MYO16: variants seen among roughly 807,000 people sequenced by gnomAD.
MYO16 encodes unconventional myosin-XVI.
MYO16 carries 94 observed loss-of-function variants against 205.3 expected under a neutral mutation model. That is an observed-to-expected ratio of 0.46 (90% confidence interval 0.39 to 0.54). The LOEUF (loss-of-function observed/expected upper bound fraction) is 0.54, where lower values mean the gene tolerates loss of function less well. Ranked by LOEUF, MYO16 falls within the 20% of genes least tolerant of loss-of-function variation. The pLI is 0.00. For synonymous variants in MYO16, 988 were observed against 954.0 expected (o/e 1.04, Z -0.66); for missense variants, 2,315 against 2,387.5 (o/e 0.97, Z 0.63).
At chr13:108,668,170 G>A (rs192342111) in intron 2 of MYO16, among the ~76,000 whole-genome samples, 75 of 152,298 alleles carry the variant, frequency 4.9e-4, no homozygotes, top group African/African-American at 1.7e-3. Flanking sequence ...AAGCCAAGAA[G>A]CAGTTATTAT....
intron 24 of MYO16, chr13:109,048,982 A>T (rs1300689287): frequency 6.7e-6 from 1 of 149,958 alleles, no homozygotes; most frequent in Non-Finnish European, 1.5e-5. Flanking sequence ...AAAAAAAAAA[A>T]GCCGAACTCC....
intron 12 of MYO16, among the ~76,000 whole-genome samples, chr13:108,882,130 C>T (rs1034111877): frequency 1.3e-5 from 2 of 152,170 alleles, no homozygotes; most frequent in African/African-American, 4.8e-5. Flanking sequence ...ACTTTTCTGG[C>T]ATGTGGTCCC....
intron 12 of MYO16, among the ~76,000 whole-genome samples, chr13:108,871,534 C>T (rs1248797972): frequency 6.6e-6 from 1 of 152,066 alleles, no homozygotes; most frequent in African/African-American, 2.4e-5. Context: ...AGACAAACCG[C>T]CTTGACCTTG....
At chr13:108,941,410 G>C (rs1882715501) in intron 16 of MYO16, among the ~76,000 whole-genome samples, 1 of 152,034 alleles carries the variant, frequency 6.6e-6, no homozygotes, top group African/African-American at 2.4e-5. Flanking sequence ...ACAAGAATGA[G>C]CTATTAAAGT....
chr13:109,045,696 T>C (rs1047518589), intron 23 of MYO16, among the ~76,000 whole-genome samples: 5 of 152,182 alleles, frequency 3.3e-5, no homozygotes, highest in Middle Eastern at 3.2e-3. Context: ...CAGGCACCCA[T>C]TGTGGCAGAT....
chr13:108,520,966 G>A, the MYO16 span, among the ~76,000 whole-genome samples: 4 of 151,912 alleles, frequency 2.6e-5, no homozygotes, highest in East Asian at 1.9e-4. Flanking sequence ...TTCCTCCCAC[G>A]TCCCCATCTC....
At chr13:109,171,222 C>T (rs1422642924) in intron 33 of MYO16, among the ~76,000 whole-genome samples, 2 of 152,096 alleles carry the variant, frequency 1.3e-5, no homozygotes, top group East Asian at 1.9e-4. Flanking sequence ...AAAACTGCCT[C>T]GTCAGTATTA....
intron 6 of MYO16, among the ~76,000 whole-genome samples, chr13:108,801,149 A>T (rs531354721): frequency 1.3e-4 from 20 of 152,340 alleles, no homozygotes; most frequent in South Asian, 6.2e-4. Context: ...AAATTAATTT[A>T]AAAAACCACC....
rs1594086099 is a variant in MYO16, at chr13:109,100,718, C to T, written c.3336-67C>T. The T allele has an allele frequency of 2.4e-6, 3 of 1,273,582 alleles. No homozygotes were observed. The East Asian group carries it at 7.1e-5, about 30-fold the overall frequency. 78.9% of individuals were successfully genotyped at this position (1,273,582 alleles called of 1,614,324 possible). On this transcript the variant is annotated intron_variant, in intron 27 of 34. Transcript: ENST00000457511. ...TGGGAAACGATGTAACAAAGACAGC[C>T]CTGTTGAATGTGATCATGTGCTTGG...
chr13:108,675,291 A>G (rs2139454507), intron 2 of MYO16, among the ~76,000 whole-genome samples: 1 of 152,350 alleles, frequency 6.6e-6, no homozygotes, highest in South Asian at 2.1e-4. Flanking sequence ...CCTCCGGGGC[A>G]GGTTAGAATT....
Position 108,780,276 on chromosome 13 carries a change from A to G in MYO16, c.508-5359A>G, listed in dbSNP as rs551438134. Among the ~76,000 whole-genome samples the G allele has an allele frequency of 2.0e-5, 3 of 151,970 alleles. No homozygotes were observed. The South Asian group carries it at 6.3e-4, about 32-fold the overall frequency. On this transcript the variant is annotated intron_variant, in intron 4 of 34. Transcript: ENST00000457511. ...AATGAAAGCAAGGCATTTTTTTCAA[A>G]TGTTGGGAAAGTTAGTAATCATGGA...
intron 7 of MYO16, among the ~76,000 whole-genome samples, chr13:108,817,685 A>G (rs1454498131): frequency 6.6e-6 from 1 of 152,230 alleles, no homozygotes; most frequent in African/African-American, 2.4e-5. Context: ...TATTCGTAGA[A>G]ATACAGCTAA....
chr13:108,745,354 C>T (rs1317627150), intron 4 of MYO16, among the ~76,000 whole-genome samples: 4 of 152,044 alleles, frequency 2.6e-5, no homozygotes, highest in African/African-American at 7.2e-5. Flanking sequence ...CTAGGTAAAA[C>T]GATAGAGGTT....
Position 109,127,732 on chromosome 13 carries a change from C to T in MYO16, c.4051+182C>T. 3.2e-6 allele frequency: 2 copies of T among 623,410 alleles called. No homozygotes were observed. The highest frequency in any genetic ancestry group is 5.2e-6 in the Non-Finnish European group (2 of 385,818). 38.6% of individuals were successfully genotyped at this position (623,410 alleles called of 1,614,324 possible). On this transcript the variant is annotated intron_variant, in intron 31 of 34. Transcript: ENST00000457511. This position sits in a 1 kb window ranked among gnomAD's most constrained non-coding sequence, Gnocchi z 4.2. ...ATAATATTTATTCAAATCTCTAAGC[C>T]TCTTAGGGAAAAGCTACTTACATGG...
chr13:108,709,161 T>C (rs2139540168), intron 2 of MYO16, among the ~76,000 whole-genome samples: 1 of 152,348 alleles, frequency 6.6e-6, no homozygotes, highest in East Asian at 1.9e-4. Flanking sequence ...TTAGGCTGTT[T>C]CCTTGCCGAT....
intron 32 of MYO16, among the ~76,000 whole-genome samples, chr13:109,149,516 C>A (rs1302202886): frequency 7.2e-5 from 11 of 152,166 alleles, no homozygotes; most frequent in Non-Finnish European, 1.5e-4. Context: ...TTCTATTATG[C>A]CCTTCATAGT....
intron 4 of MYO16, among the ~76,000 whole-genome samples, chr13:108,734,169 G>A (rs1436293151): frequency 2.0e-5 from 3 of 151,272 alleles, no homozygotes. Context: ...TCTGTTTGCA[G>A]GCACCTTATT....
At chr13:108,682,168 T>A (rs1043576374) in intron 2 of MYO16, among the ~76,000 whole-genome samples, 2 of 152,188 alleles carry the variant, frequency 1.3e-5, no homozygotes, top group African/African-American at 4.8e-5. Flanking sequence ...ATAGACATGC[T>A]AAACATTGTG....
chr13:108,786,958 A>G (rs1437002249), intron 5 of MYO16, among the ~76,000 whole-genome samples: 1 of 152,232 alleles, frequency 6.6e-6, no homozygotes, highest in African/African-American at 2.4e-5. Context: ...AAAGGGAATG[A>G]AGCTTGAAGT....
Sources: allele counts gnomAD v4.1 joint callset (sites outside exome capture counted in the v4.1 genomes callset), GRCh38; gene constraint gnomAD v4.1.1; non-coding constraint Gnocchi (gnomAD v3.1); transcripts MANE v1.5; gene names NCBI Gene and HGNC (gene_info 2026-07-23, HGNC 2026-07-21).